The following CNTNAP5 variants were observed in gnomAD, a reference collection of about 807,000 sequenced individuals.
CNTNAP5 encodes the protein contactin-associated protein-like 5.
A neutral mutation model predicts 150.2 loss-of-function variants in CNTNAP5; 72 were observed. That is an observed-to-expected ratio of 0.48 (90% CI 0.40 to 0.58). The LOEUF is 0.58. Among genes scored for constraint, CNTNAP5 ranks in the 20% least tolerant of loss-of-function variants. The probability of loss-of-function intolerance (pLI) is 0.00; values close to 1 mark genes in which losing one functional copy is unlikely to be tolerated. For missense variants in CNTNAP5, 1,636 were observed against 1,626.2 expected (o/e 1.01, Z -0.10); for synonymous variants, 672 against 619.8 (o/e 1.08, Z -1.25).
At chr2:124,161,835 ATT>A (rs1226404140) in intron 1 of CNTNAP5, among the ~76,000 whole-genome samples, 1 of 152,236 alleles carries the variant, frequency 6.6e-6, no homozygotes, top group Non-Finnish European at 1.5e-5. Context: ...GATGATTAAA[ATT>A]TAGAAAGCTT....
chr2:124,767,719 A>G (rs112818964), intron 16 of CNTNAP5, among the ~76,000 whole-genome samples: 2,200 of 152,296 alleles, frequency 0.014, 55 homozygotes, highest in African/African-American at 0.05. Flanking sequence ...AACCACAAGA[A>G]TGGGAATTCA....
intron 1 of CNTNAP5, among the ~76,000 whole-genome samples, chr2:124,142,373 T>A: frequency 6.6e-6 from 1 of 151,036 alleles, no homozygotes. Flanking sequence ...ATTCCAAAAT[T>A]GACCACATAG....
chr2:124,634,996 A>G (rs1478492377), intron 12 of CNTNAP5, among the ~76,000 whole-genome samples: 1 of 152,104 alleles, frequency 6.6e-6, no homozygotes, highest in East Asian at 1.9e-4. Flanking sequence ...TTGCTTCCAC[A>G]TTTCCAGGCA....
intron 13 of CNTNAP5, among the ~76,000 whole-genome samples, chr2:124,662,282 T>C (rs1678608421): frequency 6.6e-6 from 1 of 152,212 alleles, no homozygotes; most frequent in South Asian, 2.1e-4. Context: ...AGTGCTGTGA[T>C]AAACATACGT....
chr2:124,305,098 T>C (rs1688651321), intron 3 of CNTNAP5, among the ~76,000 whole-genome samples: 1 of 102,416 alleles, frequency 9.8e-6, no homozygotes, highest in Non-Finnish European at 2.0e-5. Context: ...AAACTCCATC[T>C]GTACAAAAAA....
intron 7 of CNTNAP5, among the ~76,000 whole-genome samples, chr2:124,495,634 T>C (rs921592049): frequency 6.6e-6 from 1 of 152,230 alleles, no homozygotes; most frequent in Non-Finnish European, 1.5e-5. Flanking sequence ...GTCTCTCAAA[T>C]GAAACCCTAA....
chr2:124,385,243 G>A (rs1237925233), intron 3 of CNTNAP5, among the ~76,000 whole-genome samples: 4 of 152,132 alleles, frequency 2.6e-5, no homozygotes, highest in African/African-American at 4.8e-5. Flanking sequence ...TTGTTTTTAC[G>A]GCAGGCATTA....
At chr2:124,818,995 T>G (rs1011179867) in intron 19 of CNTNAP5, among the ~76,000 whole-genome samples, 1 of 152,078 alleles carries the variant, frequency 6.6e-6, no homozygotes, top group African/African-American at 2.4e-5. Context: ...ATCCCTTGTC[T>G]GGGCCCTACA....
At chr2:124,747,476 A>T (rs1458531795) in intron 14 of CNTNAP5, 91 bp downstream of exon 14, 1 of 1,456,068 alleles carries the variant, frequency 6.9e-7, no homozygotes, top group Non-Finnish European at 9.6e-7. Flanking sequence ...TGGATGAGAA[A>T]TTCAATACAA....
intron 3 of CNTNAP5, among the ~76,000 whole-genome samples, chr2:124,352,378 C>A (rs1008837669): frequency 2.0e-5 from 3 of 152,152 alleles, no homozygotes; most frequent in African/African-American, 7.2e-5. Context: ...CCATTTCACA[C>A]ACATAGAACA....
At chr2:124,859,324 G>T (rs1677455647) in intron 19 of CNTNAP5, among the ~76,000 whole-genome samples, 1 of 152,210 alleles carries the variant, frequency 6.6e-6, no homozygotes, top group African/African-American at 2.4e-5. Flanking sequence ...ACCATCACTG[G>T]CCATCAGAGA....
At chr2:124,168,347 G>A (rs150073797) in intron 1 of CNTNAP5, among the ~76,000 whole-genome samples, 38 of 152,254 alleles carry the variant, frequency 2.5e-4, no homozygotes, top group East Asian at 9.6e-4. Flanking sequence ...AAGCTTTATC[G>A]TGCTAATGCA....
intron 1 of CNTNAP5, among the ~76,000 whole-genome samples, chr2:124,215,590 G>A (rs1265550242): frequency 6.7e-6 from 1 of 150,250 alleles, no homozygotes; most frequent in African/African-American, 2.4e-5. Flanking sequence ...GGAAATGAAT[G>A]TTTCTTTTAT....
chr2:124,799,499 A>T (rs757899285), intron 19 of CNTNAP5, among the ~76,000 whole-genome samples: 1 of 152,214 alleles, frequency 6.6e-6, no homozygotes, highest in Non-Finnish European at 1.5e-5. Flanking sequence ...TGCTGGTATC[A>T]TAAGATGGGG....
At chr2:124,382,388 A>C (rs986718593) in intron 3 of CNTNAP5, among the ~76,000 whole-genome samples, 11 of 152,248 alleles carry the variant, frequency 7.2e-5, no homozygotes, top group Non-Finnish European at 1.2e-4. Flanking sequence ...GGAGATGTGA[A>C]GAGAGAAGAT....
intron 7 of CNTNAP5, among the ~76,000 whole-genome samples, chr2:124,497,770 C>G: frequency 6.6e-6 from 1 of 152,284 alleles, no homozygotes; most frequent in South Asian, 2.1e-4. Flanking sequence ...GGCCTGAGCT[C>G]CCTGTTCAAT....
intron 4 of CNTNAP5, 109 bp downstream of exon 4, chr2:124,417,699 T>G: frequency 8.9e-7 from 1 of 1,117,404 alleles, no homozygotes; most frequent in Non-Finnish European, 1.3e-6. Context: ...TAAAGTTGTT[T>G]CTAGACTTTC....
intron 3 of CNTNAP5, among the ~76,000 whole-genome samples, chr2:124,305,951 T>C (rs1210046549): frequency 6.6e-6 from 1 of 152,246 alleles, no homozygotes; most frequent in Non-Finnish European, 1.5e-5. Flanking sequence ...TATATGTCTC[T>C]GCTCAGTTCT....
chr2:124,803,199 A>G (rs1030926160), intron 19 of CNTNAP5, among the ~76,000 whole-genome samples: 1 of 152,040 alleles, frequency 6.6e-6, no homozygotes, highest in Non-Finnish European at 1.5e-5. Context: ...AGTCTGTTCT[A>G]GGTAGAATGA....
Sources: gnomAD v4.1 joint callset for allele counts (sites outside exome capture counted in the v4.1 genomes callset) on GRCh38, gnomAD v4.1.1 for gene constraint, MANE v1.5 for transcripts, NCBI Gene and HGNC (gene_info 2026-07-23, HGNC 2026-07-21) for gene names.